The following CCDC171 variants were observed in gnomAD, a reference collection of about 807,000 sequenced individuals.
CCDC171 encodes the protein coiled-coil domain-containing protein 171.
Under a neutral mutation model 168.2 loss-of-function variants are expected in CCDC171, and 177 were observed. That is an observed-to-expected ratio of 1.05 (90% CI 0.93 to 1.19). CCDC171 has a LOEUF of 1.19. Among genes scored for constraint, CCDC171 ranks in the 50% most tolerant of loss-of-function variants. The pLI is 0.00. For synonymous variants in CCDC171, 687 were observed against 540.8 expected, an observed-to-expected ratio of 1.27 and a Z score of -3.75; for missense variants, 1,991 against 1,539.0, an observed-to-expected ratio of 1.29 and a Z score of -4.91.
intron 6 of CCDC171, among the ~76,000 whole-genome samples, chr9:15,595,196 G>T (rs138281628): frequency 6.6e-6 from 1 of 151,676 alleles, no homozygotes; most frequent in Non-Finnish European, 1.5e-5. Flanking sequence ...TGTGCACAGC[G>T]TGCAGGTTTG....
At chr9:15,884,124 G>T (rs1819066309) in intron 24 of CCDC171, among the ~76,000 whole-genome samples, 1 of 152,084 alleles carries the variant, frequency 6.6e-6, no homozygotes, top group African/African-American at 2.4e-5. Flanking sequence ...GGTAGCACTG[G>T]ATAGAATTCC....
chr9:15,804,095 T>C (rs1456710355), intron 21 of CCDC171, among the ~76,000 whole-genome samples: 1 of 151,448 alleles, frequency 6.6e-6, no homozygotes, highest in East Asian at 1.9e-4. Flanking sequence ...CCTGAGACTT[T>C]GCTGAAGTTG....
chr9:15,637,445 T>C (rs1417514740), intron 7 of CCDC171, among the ~76,000 whole-genome samples: 1 of 151,896 alleles, frequency 6.6e-6, no homozygotes, highest in East Asian at 1.9e-4. Flanking sequence ...TTATTTTTAC[T>C]TTTTAAAATT....
At chr9:15,800,249 C>G (rs1312321537) in intron 21 of CCDC171, among the ~76,000 whole-genome samples, 1 of 152,006 alleles carries the variant, frequency 6.6e-6, no homozygotes, top group East Asian at 1.9e-4. Flanking sequence ...TACAAAGGTT[C>G]TTTTTTCTCC....
chr9:16,042,484 C>A (rs1244006668), upstream of CCDC171, among the ~76,000 whole-genome samples: 2 of 152,194 alleles, frequency 1.3e-5, no homozygotes, highest in East Asian at 3.9e-4. Flanking sequence ...TCGAGGAAAT[C>A]ACTTGATTTT....
intron 3 of CCDC171, among the ~76,000 whole-genome samples, chr9:15,983,240 G>C (rs1056184280): frequency 4.0e-5 from 6 of 151,578 alleles, no homozygotes; most frequent in Admixed American, 1.3e-4. Flanking sequence ...TTTTTCCCCA[G>C]TTCTCTATCC....
chr9:16,058,694 A>G (rs774688819), intron 1 of CCDC171, among the ~76,000 whole-genome samples: 3 of 152,244 alleles, frequency 2.0e-5, no homozygotes, highest in African/African-American at 7.2e-5. Context: ...ACTTCAGGTA[A>G]AGCCTGAAGG....
rs554454843 is a variant in CCDC171 at position 15,959,577 on chromosome 9, C to T, written c.3754-12032C>T. Among the ~76,000 whole-genome samples, 37 of 152,100 alleles carry T rather than the reference C, an allele frequency of 2.4e-4. No individual in the cohort carries two copies. In the South Asian group the frequency reaches 3.5e-3, roughly 14 times the overall value. On this transcript the variant is annotated intron_variant, in intron 25 of 25. Coordinates refer to ENST00000380701, the MANE Select transcript of CCDC171 (RefSeq NM_173550.4). ...TAGCAAAGAGCTTTGAAACCTGTGT[C>T]AAAATTATTATCTAGTAGACAACCT...
chr9:16,066,929 C>T, the CCDC171 span, among the ~76,000 whole-genome samples: 1 of 151,738 alleles, frequency 6.6e-6, no homozygotes, highest in Non-Finnish European at 1.5e-5. Context: ...CATAGGTGTG[C>T]ATGTGTCTTT....
At chr9:16,103,412 G>C in the CCDC171 span, among the ~76,000 whole-genome samples, 1 of 152,206 alleles carries the variant, frequency 6.6e-6, no homozygotes, top group Non-Finnish European at 1.5e-5. Context: ...ACTGCCATCT[G>C]TAAGGGGGAA....
intron 21 of CCDC171, among the ~76,000 whole-genome samples, chr9:15,823,113 C>G (rs2059861797): frequency 6.6e-6 from 1 of 152,034 alleles, no homozygotes; most frequent in Admixed American, 6.5e-5. Flanking sequence ...CATGTTCTCA[C>G]TCATAGGTGG....
chr9:15,934,064 A>G (rs1424519715), intron 25 of CCDC171, among the ~76,000 whole-genome samples: 1 of 151,984 alleles, frequency 6.6e-6, no homozygotes, highest in Non-Finnish European at 1.5e-5. Flanking sequence ...GAACTCTTAC[A>G]ACTCAACAAC....
At chr9:15,906,374 A>C (rs200124992) in intron 24 of CCDC171, among the ~76,000 whole-genome samples, 1 of 152,150 alleles carries the variant, frequency 6.6e-6, no homozygotes, top group Non-Finnish European at 1.5e-5. Context: ...TCAACATACG[A>C]AAATCAATAA....
chr9:16,039,551 C>A (rs562548415), upstream of CCDC171, among the ~76,000 whole-genome samples: 1 of 152,264 alleles, frequency 6.6e-6, no homozygotes, highest in Admixed American at 6.5e-5. Context: ...AATTTCCCTG[C>A]AGGTCGGTAG....
intron 25 of CCDC171, among the ~76,000 whole-genome samples, chr9:15,964,003 C>G (rs898156568): frequency 2.6e-5 from 4 of 152,176 alleles, no homozygotes; most frequent in African/African-American, 4.8e-5. Flanking sequence ...TTTCTTCTCG[C>G]TAGAATGCAG....
intron 21 of CCDC171, among the ~76,000 whole-genome samples, chr9:15,842,476 A>G (rs2060720966): frequency 1.3e-5 from 2 of 152,084 alleles, no homozygotes; most frequent in South Asian, 4.1e-4. Context: ...TTCAAAAATC[A>G]TTTCTAAACA....
intron 4 of CCDC171, chr9:15,588,307 G>A (rs1373307840): frequency 1.9e-5 from 4 of 207,820 alleles, no homozygotes; most frequent in Admixed American, 1.2e-4. Flanking sequence ...AAGCCCACAC[G>A]CCATTGCATC....
At chr9:15,724,553 A>T (rs1468975266) in intron 13 of CCDC171, among the ~76,000 whole-genome samples, 1 of 152,228 alleles carries the variant, frequency 6.6e-6, no homozygotes, top group Non-Finnish European at 1.5e-5. Context: ...TTAACATTTT[A>T]TGTAAATGTT....
chr9:15,962,324 A>G (rs1830424365), intron 25 of CCDC171, among the ~76,000 whole-genome samples: 1 of 152,202 alleles, frequency 6.6e-6, no homozygotes, highest in South Asian at 2.1e-4. Flanking sequence ...CCGCGTAGCT[A>G]TAGCCTACTT....
Sources: allele counts gnomAD v4.1 joint callset (sites outside exome capture counted in the v4.1 genomes callset), GRCh38; gene constraint gnomAD v4.1.1; transcripts MANE v1.5; gene names NCBI Gene and HGNC (gene_info 2026-07-23, HGNC 2026-07-21).